BANP: variants seen among roughly 807,000 people sequenced by gnomAD.
BANP encodes the protein protein BANP.
In BANP, 11 loss-of-function variants were observed where a neutral mutation model predicts 68.1. The observed-to-expected ratio is 0.16, with a 90% confidence interval of 0.10 to 0.27. The LOEUF is 0.27. Ranked by LOEUF, BANP falls within the 10% of genes least tolerant of loss-of-function variation. BANP has a pLI of 1.00. For missense variants in BANP, 504 were observed against 722.7 expected (o/e 0.70, Z 3.47); for synonymous variants, 329 against 303.2 (o/e 1.09, Z -0.88).
chr16:87,990,467 C>G (rs925021058), intron 4 of BANP, among the ~76,000 whole-genome samples: 8 of 152,192 alleles, frequency 5.3e-5, no homozygotes, highest in African/African-American at 1.9e-4. Flanking sequence ...TTCTGAGCAT[C>G]TCTGTTCTGG....
At chr16:87,981,194 C>G (rs2063191101) in intron 3 of BANP, 67 bp downstream of exon 3, 2 of 1,160,318 alleles carry the variant, frequency 1.7e-6, no homozygotes, top group African/African-American at 3.0e-5. Context: ...TATAACAAAT[C>G]ACCATCAATG....
chr16:88,042,290 T>A (rs1267645176), intron 11 of BANP, among the ~76,000 whole-genome samples: 1 of 152,218 alleles, frequency 6.6e-6, no homozygotes, highest in Non-Finnish European at 1.5e-5. Flanking sequence ...AAGATGAGGT[T>A]CAGGGGACGG....
At chr16:87,953,532 G>T (rs2057410534) in intron 1 of BANP, among the ~76,000 whole-genome samples, 1 of 152,162 alleles carries the variant, frequency 6.6e-6, no homozygotes, top group Admixed American at 6.5e-5. Context: ...ACACAGCCTT[G>T]TCTTTCTATT....
At chr16:88,048,383 G>T (rs1182908080) in intron 11 of BANP, among the ~76,000 whole-genome samples, 1 of 152,040 alleles carries the variant, frequency 6.6e-6, no homozygotes, top group Non-Finnish European at 1.5e-5. Context: ...AGTAATGGAG[G>T]AAAGAAGGGG....
In BANP at chr16:87,980,862, G is replaced by T; in HGVS notation, c.71-174G>T. 3 of 587,412 alleles carry T rather than the reference G, an allele frequency of 5.1e-6. No homozygotes were observed. The South Asian group carries it at 6.0e-5, about 12-fold the overall frequency. 36.4% of individuals were successfully genotyped at this position (587,412 alleles called of 1,614,324 possible). A position where few individuals can be genotyped will look rare whatever the true frequency, so the allele number is the denominator to read the frequency against. ...TCTGGGCTTTTCTTGGGATTAAGGA[G>T]TTATCCTGTTTTTCTGCCTGACTGA... On this transcript the variant is annotated intron_variant, in intron 2 of 13. Transcript: ENST00000682872.
At chr16:87,968,222 C>T (rs534867570) in intron 1 of BANP, among the ~76,000 whole-genome samples, 4 of 151,586 alleles carry the variant, frequency 2.6e-5, no homozygotes, top group Non-Finnish European at 5.9e-5. Flanking sequence ...AGTGGCTCAC[C>T]CCTATAATCC....
intron 12 of BANP, among the ~76,000 whole-genome samples, chr16:88,066,372 C>G (rs920645663): frequency 2.0e-5 from 3 of 152,172 alleles, no homozygotes; most frequent in Admixed American, 2.0e-4. Flanking sequence ...AGTTTGGTGT[C>G]GTTTCTCTCT....
intron 1 of BANP, among the ~76,000 whole-genome samples, chr16:87,958,981 T>C (rs2058616309): frequency 1.3e-5 from 2 of 152,272 alleles, no homozygotes; most frequent in South Asian, 4.1e-4. Flanking sequence ...GCCTTGGCAG[T>C]GAGGGGAGCA....
At chr16:88,017,888 G>C (rs558848653) in intron 6 of BANP, among the ~76,000 whole-genome samples, 2 of 152,318 alleles carry the variant, frequency 1.3e-5, no homozygotes, top group African/African-American at 4.8e-5. Flanking sequence ...TGGCGTCAAG[G>C]GCATGCTGTG....
chr16:88,001,965 A>G (rs913301296), intron 4 of BANP, among the ~76,000 whole-genome samples: 12 of 152,200 alleles, frequency 7.9e-5, no homozygotes, highest in African/African-American at 2.7e-4. Flanking sequence ...TGAAGGTTCA[A>G]TCCAGATTTG....
At chr16:87,950,246 C>G (rs1049444573), upstream of BANP, among the ~76,000 whole-genome samples, 1 of 152,014 alleles carries the variant, frequency 6.6e-6, no homozygotes, top group Middle Eastern at 3.2e-3. Flanking sequence ...CATTCTTGCT[C>G]ATTGCAAATA....
At chr16:88,039,169 A>G (rs1355865145) in intron 11 of BANP, among the ~76,000 whole-genome samples, 1 of 152,134 alleles carries the variant, frequency 6.6e-6, no homozygotes, top group Non-Finnish European at 1.5e-5. Flanking sequence ...GGAAAGTTTC[A>G]TCTTAAAGAT....
chr16:87,968,435 G>T (rs2060496047), intron 1 of BANP, among the ~76,000 whole-genome samples: 1 of 148,860 alleles, frequency 6.7e-6, no homozygotes, highest in Non-Finnish European at 1.5e-5. Flanking sequence ...GGTGAGCTGA[G>T]ATCGTGCCAT....
chr16:87,995,969 C>G (rs1214669494), intron 4 of BANP, among the ~76,000 whole-genome samples: 1 of 152,204 alleles, frequency 6.6e-6, no homozygotes, highest in Non-Finnish European at 1.5e-5. Context: ...GCACATTTAG[C>G]GGGTTTGGCC....
rs898626560 is a variant in BANP at position 88,042,446 on chromosome 16, G to A, written c.1311+4435G>A. Reference sequence around the variant, plus strand: ...TCTGGGCCCCTGTGGCCTCTGCTTTGCCAGCTGCCCAGCCATGATGACCAG... The same window carrying A: ...TCTGGGCCCCTGTGGCCTCTGCTTTACCAGCTGCCCAGCCATGATGACCAG... On this transcript the variant is annotated intron_variant, in intron 11 of 13. Coordinates refer to ENST00000682872, the MANE Select transcript of BANP (RefSeq NM_001386991.1). 8.5e-5 allele frequency among the ~76,000 whole-genome samples: 13 copies of A among 152,168 alleles called. No homozygotes were observed. The East Asian group carries it at 2.5e-3, about 29-fold the overall frequency.
intron 4 of BANP, among the ~76,000 whole-genome samples, chr16:87,986,226 G>A (rs571998386): frequency 4.6e-5 from 7 of 152,288 alleles, no homozygotes; most frequent in South Asian, 4.2e-4. Context: ...TCCTGTCCCC[G>A]GAGCCTTGCG....
At chr16:88,015,177 TGTG>T (rs2074233031) in intron 6 of BANP, among the ~76,000 whole-genome samples, 1 of 141,436 alleles carries the variant, frequency 7.1e-6, no homozygotes, top group Non-Finnish European at 1.5e-5. Flanking sequence ...CCCCTCTGCC[TGTG>T]CCCTCTGCCC....
intron 3 of BANP, chr16:87,982,695 A>G (rs551593195): frequency 1.3e-5 from 2 of 152,290 alleles, no homozygotes; most frequent in African/African-American, 4.8e-5. Context: ...GCTCCTGTCT[A>G]TATCAGCGCC....
At chr16:88,029,410 C>T (rs894434162) in intron 8 of BANP, among the ~76,000 whole-genome samples, 2 of 151,036 alleles carry the variant, frequency 1.3e-5, no homozygotes, top group Non-Finnish European at 2.9e-5. Context: ...GAGATCGAGA[C>T]CATCCTGGCT....
Sources: gnomAD v4.1 joint callset for allele counts (sites outside exome capture counted in the v4.1 genomes callset) on GRCh38, gnomAD v4.1.1 for gene constraint, MANE v1.5 for transcripts, NCBI Gene and HGNC (gene_info 2026-07-23, HGNC 2026-07-21) for gene names.